Variants in PHEX observed in about 807,000 individuals in gnomAD.
PHEX encodes phosphate regulating endopeptidase X-linked, also known as phosphate-regulating neutral endopeptidase PHEX.
PHEX carries 16 observed loss-of-function variants against 68.0 expected under a neutral mutation model. That is an observed-to-expected ratio of 0.24 (90% CI 0.16 to 0.36). The LOEUF (loss-of-function observed/expected upper bound fraction) is 0.36, where lower values mean the gene tolerates loss of function less well. Ranked by LOEUF, PHEX falls within the 10% of genes least tolerant of loss-of-function variation. The pLI, the probability that PHEX is intolerant of heterozygous loss-of-function variation, is 1.00. For missense variants in PHEX, 480 were observed against 575.5 expected (o/e 0.83, Z 1.70); for synonymous variants, 208 against 205.1 (o/e 1.01, Z -0.12).
At chrX:22,052,909 A>G (rs749505595) in intron 3 of PHEX, among the ~76,000 whole-genome samples, 4 of 111,228 alleles carry the variant, frequency 3.6e-5, no homozygotes, top group Non-Finnish European at 7.5e-5. Flanking sequence ...CAGTTAACCT[A>G]CATAACCAAA....
intron 15 of PHEX, among the ~76,000 whole-genome samples, chrX:22,211,009 CAT>C (rs1236141217): frequency 9.0e-6 from 1 of 111,180 alleles, no homozygotes; most frequent in Non-Finnish European, 1.9e-5. Context: ...CTTTCAGTCT[CAT>C]GGGGCCTGGA....
At chrX:22,037,471 C>G (rs1036769986) in intron 1 of PHEX, among the ~76,000 whole-genome samples, 1 of 111,960 alleles carries the variant, frequency 8.9e-6, no homozygotes, top group African/African-American at 3.2e-5. Context: ...ACTACAAATA[C>G]TTTTGAAATC....
intron 11 of PHEX, among the ~76,000 whole-genome samples, chrX:22,130,795 C>T (rs1931960873): frequency 9.1e-6 from 1 of 110,275 alleles, no homozygotes; most frequent in Non-Finnish European, 1.9e-5. Context: ...CAGGTCCTGG[C>T]TCTGGTCCTC....
chrX:22,124,107 A>G (rs1931612640), intron 11 of PHEX, among the ~76,000 whole-genome samples: 1 of 111,229 alleles, frequency 9.0e-6, no homozygotes. Context: ...CTGGGATTAC[A>G]GGCATGAGCC....
At chrX:22,084,455 T>C (rs1188436175) in intron 5 of PHEX, among the ~76,000 whole-genome samples, 1 of 111,689 alleles carries the variant, frequency 9.0e-6, no homozygotes, top group Non-Finnish European at 1.9e-5. Flanking sequence ...GTAGTTTTCT[T>C]TTCTCCTTGT....
intron 20 of PHEX, among the ~76,000 whole-genome samples, chrX:22,231,758 C>CTCTATCTA (rs770862068): frequency 9.0e-6 from 1 of 111,589 alleles, no homozygotes; most frequent in Admixed American, 9.5e-5. Flanking sequence ...TTTTTTGTGT[C>CTCTATCTA]TCTATCTCCT....
At position 22,169,871 on chromosome X, in the gene PHEX, C is replaced by T. The variant is rs1427333691; in HGVS notation, c.1482+1482C>T. 3 of 112,495 alleles carry T rather than the reference C, an allele frequency of 2.7e-5. No homozygotes were observed. The Admixed American group carries it at 2.8e-4, about 11-fold the overall frequency. The allele number at this position is 112,495 out of a possible 1,213,427, so 9.3% of individuals were successfully genotyped here. ...TATCTGGCTACTGGAAATATAATAACCAAGTCTTAGTATTGTTGGGAAGAT... is the reference window on the plus strand; with the variant it reads ...TATCTGGCTACTGGAAATATAATAATCAAGTCTTAGTATTGTTGGGAAGAT... On this transcript the variant is annotated intron_variant, in intron 13 of 21. Transcript: ENST00000379374.
At chrX:22,243,061 T>C (rs978391944) in intron 20 of PHEX, among the ~76,000 whole-genome samples, 46 of 111,903 alleles carry the variant, frequency 4.1e-4, no homozygotes, top group African/African-American at 1.4e-3. Context: ...CAAAACAGCA[T>C]GGTACTGGTA....
chrX:22,222,584 C>G lies in PHEX; in HGVS notation c.1899+841C>G, dbSNP rs148835970. Among the ~76,000 whole-genome samples, 452 of 111,702 alleles carry G rather than the reference C, an allele frequency of 4.0e-3. 3 individuals are homozygous for G. Among genetic ancestry groups the G allele is most frequent in the African/African-American group, 0.013 (407 of 30,769 alleles). On this transcript the variant is annotated intron_variant, in intron 18 of 21. Coordinates refer to ENST00000379374, the MANE Select transcript of PHEX (RefSeq NM_000444.6). ...AATAAAAGATCGTTAGTTAATATTC[C>G]TGATCCTTCGTGACATACTCATTAG...
At chrX:22,142,977 T>C (rs186089075) in intron 12 of PHEX, among the ~76,000 whole-genome samples, 1 of 112,748 alleles carries the variant, frequency 8.9e-6, no homozygotes, top group African/African-American at 3.2e-5. Flanking sequence ...AACAGCCAGC[T>C]GTTCAGGCAA....
At chrX:22,192,099 G>A (rs1358253556) in intron 15 of PHEX, among the ~76,000 whole-genome samples, 1 of 111,673 alleles carries the variant, frequency 9.0e-6, no homozygotes, top group Non-Finnish European at 1.9e-5. Flanking sequence ...GTGGGCCACT[G>A]TTGCTCAAAT....
intron 5 of PHEX, among the ~76,000 whole-genome samples, chrX:22,083,972 G>T (rs1317353745): frequency 1.8e-5 from 2 of 111,938 alleles, no homozygotes; most frequent in African/African-American, 6.5e-5. Context: ...TTATGTGTTT[G>T]TCAGATATGG....
intron 12 of PHEX, 55 bp from the exon 13 acceptor site, chrX:22,168,257 A>T: frequency 1.2e-6 from 1 of 845,843 alleles, no homozygotes. Flanking sequence ...TCTTGTGATT[A>T]TTAATGATTT....
In PHEX at chrX:22,227,573, T is replaced by C; in HGVS notation, c.2032T>C (p.Phe678Leu). The change falls in exon 20 of 22, where the codon TTC becomes CTC. Residue 678 changes from phenylalanine to leucine, a missense_variant. By Grantham distance (22) the Phe-to-Leu change is conservative. Coordinates refer to ENST00000379374, the MANE Select transcript of PHEX (RefSeq NM_000444.6). ...LEEPLLPGIT[F>L]TNNQLFFLSY... is the part of the protein sequence containing the mutation. ...GGAGCCTCTTCTACCAGGCATCACA[T>C]TCACCAACAACCAGCTCTTCTTCCT... is the stretch of plus-strand genomic sequence containing the variant. 1 of 1,207,958 alleles carries C rather than the reference T, an allele frequency of 8.3e-7. No individual in the cohort carries two copies. Among genetic ancestry groups the C allele is most frequent in the South Asian group, 1.8e-5 (1 of 56,877 alleles).
intron 5 of PHEX, 23 bp from the exon 6 acceptor site, chrX:22,090,406 G>T: frequency 8.5e-7 from 1 of 1,172,198 alleles, no homozygotes; most frequent in Non-Finnish European, 1.2e-6. Flanking sequence ...CTAGCAGAAT[G>T]CTTTCTGTTT....
intron 15 of PHEX, among the ~76,000 whole-genome samples, chrX:22,208,329 A>G (rs1006577292): frequency 8.9e-6 from 1 of 111,850 alleles, no homozygotes; most frequent in Admixed American, 9.5e-5. Flanking sequence ...AAGAAGATAA[A>G]TGGTATTTAT....
chrX:22,243,395 C>G (rs540050445), intron 20 of PHEX, among the ~76,000 whole-genome samples: 31 of 111,845 alleles, frequency 2.8e-4, no homozygotes, highest in African/African-American at 1.0e-3. Context: ...GTCTAAAACA[C>G]CAAAATCGAT....
At chrX:22,119,214 C>T (rs1348570553) in intron 11 of PHEX, among the ~76,000 whole-genome samples, 2 of 112,014 alleles carry the variant, frequency 1.8e-5, no homozygotes, top group African/African-American at 3.2e-5. Context: ...TTAACATTTT[C>T]TCCCTCCTTA....
chrX:22,193,803 T>G (rs1001132256), intron 15 of PHEX, among the ~76,000 whole-genome samples: 1 of 112,351 alleles, frequency 8.9e-6, no homozygotes, highest in Admixed American at 9.4e-5. Flanking sequence ...GTGGAATTAT[T>G]GGCTGATAGG....
Sources: allele counts gnomAD v4.1 joint callset (sites outside exome capture counted in the v4.1 genomes callset), GRCh38; gene constraint gnomAD v4.1.1; transcripts MANE v1.5; gene names NCBI Gene and HGNC (gene_info 2026-07-23, HGNC 2026-07-21).